KCNJ6: variants seen among roughly 807,000 people sequenced by gnomAD.
The protein encoded by KCNJ6 is G protein-activated inward rectifier potassium channel 2.
Under a neutral mutation model 34.2 loss-of-function variants are expected in KCNJ6, and 9 were observed. The observed-to-expected ratio is 0.26, with a 90% CI of 0.16 to 0.46. The LOEUF (loss-of-function observed/expected upper bound fraction) is 0.46, where lower values mean the gene tolerates loss of function less well. KCNJ6 is among the 20% of genes least tolerant of loss of function. The probability of loss-of-function intolerance (pLI) is 1.00; values close to 1 mark genes in which losing one functional copy is unlikely to be tolerated. For synonymous variants in KCNJ6, 196 were observed against 207.1 expected, an observed-to-expected ratio of 0.95 and a Z score of 0.46; for missense variants, 236 against 531.3, an observed-to-expected ratio of 0.44 and a Z score of 5.46.
In KCNJ6 at chr21:37,675,812, C is replaced by G. The variant is rs2054562177; in HGVS notation, c.946+38399G>C. Among the ~76,000 whole-genome samples the G allele has an allele frequency of 6.6e-6, 1 of 152,058 alleles. No individual in the cohort carries two copies. Among genetic ancestry groups the G allele is most frequent in the Admixed American group, 6.5e-5 (1 of 15,276 alleles). ...TTACATTGACTCCCAAATTCCTATG[C>G]TAGAGTTACCTTAACGGCAAGCCAG... On this transcript the variant is annotated intron_variant, in intron 3 of 3. Transcript: ENST00000609713. This position sits in a 1 kb window ranked among gnomAD's most constrained non-coding sequence, Gnocchi z 4.2.
chr21:37,742,385 A>G (rs2054945417), intron 2 of KCNJ6, among the ~76,000 whole-genome samples: 1 of 152,176 alleles, frequency 6.6e-6, no homozygotes, highest in Non-Finnish European at 1.5e-5. Flanking sequence ...GTGGTTGGCC[A>G]CTGTCCATTT....
At chr21:37,856,577 T>G (rs551056900) in intron 1 of KCNJ6, among the ~76,000 whole-genome samples, 1 of 151,950 alleles carries the variant, frequency 6.6e-6, no homozygotes, top group East Asian at 1.9e-4. Context: ...ACTCAAATAC[T>G]TAGGGCAACA....
At chr21:37,880,289 A>G (rs999737400) in intron 1 of KCNJ6, among the ~76,000 whole-genome samples, 2 of 152,188 alleles carry the variant, frequency 1.3e-5, no homozygotes, top group African/African-American at 4.8e-5. Flanking sequence ...TGCATTGTCC[A>G]GGAAAAAAGG....
intron 2 of KCNJ6, among the ~76,000 whole-genome samples, chr21:37,726,453 G>A (rs1290350071): frequency 1.3e-5 from 2 of 152,200 alleles, no homozygotes; most frequent in Non-Finnish European, 2.9e-5. Flanking sequence ...TAGGGCCACA[G>A]CACTTATTTA....
chr21:37,881,218 C>T (rs527590682), intron 1 of KCNJ6, among the ~76,000 whole-genome samples: 255 of 152,262 alleles, frequency 1.7e-3, no homozygotes, highest in African/African-American at 3.8e-3. Flanking sequence ...TGGAAAGCTC[C>T]GGGATTCTGA....
At chr21:37,898,510 A>G (rs1439277652) in intron 1 of KCNJ6, among the ~76,000 whole-genome samples, 1 of 151,606 alleles carries the variant, frequency 6.6e-6, no homozygotes, top group Admixed American at 6.6e-5. Context: ...AGAACCCAGG[A>G]GGCGAAGGTT....
At chr21:37,876,735 T>C (rs1383204263) in intron 1 of KCNJ6, among the ~76,000 whole-genome samples, 2 of 135,736 alleles carry the variant, frequency 1.5e-5, no homozygotes, top group Non-Finnish European at 3.1e-5. Flanking sequence ...GGTGGATCCA[T>C]GTAGACAGGC....
chr21:37,681,378 C>A (rs1380462705), intron 3 of KCNJ6, among the ~76,000 whole-genome samples: 1 of 152,240 alleles, frequency 6.6e-6, no homozygotes, highest in East Asian at 1.9e-4. Context: ...TCGTGGTAAT[C>A]TGATAACTTG....
intron 2 of KCNJ6, among the ~76,000 whole-genome samples, chr21:37,725,342 G>A (rs763711142): frequency 6.6e-6 from 1 of 152,132 alleles, no homozygotes; most frequent in Non-Finnish European, 1.5e-5. Flanking sequence ...GCAGTGAGCC[G>A]AGATCACGCC....
intron 3 of KCNJ6, among the ~76,000 whole-genome samples, chr21:37,683,841 A>G (rs1248991696): frequency 2.0e-5 from 3 of 152,096 alleles, no homozygotes; most frequent in East Asian, 1.9e-4. Flanking sequence ...GGGAGAAAGG[A>G]TCCCTTCTGC....
rs1237113944 is a variant in KCNJ6, at chr21:37,707,733, G to GTGTGTGTGTGTATGTGTGCA, written c.946+6477_946+6478insTGCACACATACACACACACA. Among the ~76,000 whole-genome samples, 6 of 149,898 alleles carry GTGTGTGTGTGTATGTGTGCA rather than the reference G, an allele frequency of 4.0e-5. 1 individual carries two copies. The highest frequency in any genetic ancestry group is 5.9e-5 in the Non-Finnish European group (4 of 67,868). On this transcript the variant is annotated intron_variant, in intron 3 of 3. Coordinates refer to ENST00000609713, the MANE Select transcript of KCNJ6 (RefSeq NM_002240.5). ...GTTTAGTATCTGTGCATGTGTGTGT[G>GTGTGTGTGTGTATGTGTGCA]TGAATAATTTACATAGCTTTCCCCA... is the stretch of plus-strand genomic sequence containing the variant.
chr21:37,843,121 C>A (rs536976012), intron 1 of KCNJ6, among the ~76,000 whole-genome samples: 1 of 152,170 alleles, frequency 6.6e-6, no homozygotes, highest in Non-Finnish European at 1.5e-5. Context: ...TTCTAACAAG[C>A]CCTGTTTAGT....
chr21:37,898,825 T>C (rs1003358242), intron 1 of KCNJ6, among the ~76,000 whole-genome samples: 3 of 152,208 alleles, frequency 2.0e-5, no homozygotes, highest in African/African-American at 4.8e-5. Flanking sequence ...ATTTGTGAAA[T>C]TGTACTTTTT....
chr21:37,813,392 A>T (rs1157770584), intron 2 of KCNJ6, among the ~76,000 whole-genome samples: 1 of 152,192 alleles, frequency 6.6e-6, no homozygotes, highest in East Asian at 1.9e-4. Flanking sequence ...TCTTCACAGA[A>T]ATAAAAAAAA....
In KCNJ6 at chr21:37,853,846, G is replaced by GTA. The variant is rs144698876; in HGVS notation, c.-27-13139_-27-13138dup. Among the ~76,000 whole-genome samples, 308 of 115,952 alleles carry GTA rather than the reference G, an allele frequency of 2.7e-3. 8 individuals are homozygous for GTA. The highest frequency in any genetic ancestry group is 0.011 in the South Asian group (42 of 3,878). The allele number at this position is 115,952 out of a possible 152,430, so 76.1% of individuals were successfully genotyped here. A position where few individuals can be genotyped will look rare whatever the true frequency, so the allele number is the denominator to read the frequency against. On this transcript the variant is annotated intron_variant, in intron 1 of 3. Transcript: ENST00000609713. ...GTAGTTAAGAGATACATATATATATGTATATATATATATATAAATTACATT... is the reference window on the plus strand; with the variant it reads ...GTAGTTAAGAGATACATATATATATGTATATATATATATATATAAATTACATT...
At chr21:37,676,705 C>T (rs2054566448) in intron 3 of KCNJ6, among the ~76,000 whole-genome samples, 1 of 152,202 alleles carries the variant, frequency 6.6e-6, no homozygotes, top group Non-Finnish European at 1.5e-5. Context: ...GGGACAGCAG[C>T]CATGTCTGGA....
At chr21:37,796,637 C>A (rs1191642398) in intron 2 of KCNJ6, among the ~76,000 whole-genome samples, 1 of 152,172 alleles carries the variant, frequency 6.6e-6, no homozygotes, top group Non-Finnish European at 1.5e-5. Context: ...TGGACCTCAA[C>A]TGGGCCTCCT....
chr21:37,853,844 ATG>A (rs916266559), intron 1 of KCNJ6, among the ~76,000 whole-genome samples: 2 of 109,360 alleles, frequency 1.8e-5, no homozygotes, highest in Admixed American at 1.0e-4. Context: ...ACATATATAT[ATG>A]TATATATATA....
chr21:37,911,801 T>C (rs1409832545), intron 1 of KCNJ6, among the ~76,000 whole-genome samples: 3 of 152,236 alleles, frequency 2.0e-5, no homozygotes, highest in Admixed American at 6.5e-5. Context: ...AAGGTTTACA[T>C]GGTCAACATT....
Sources: allele counts gnomAD v4.1 joint callset (sites outside exome capture counted in the v4.1 genomes callset), GRCh38; gene constraint gnomAD v4.1.1; non-coding constraint Gnocchi (gnomAD v3.1); transcripts MANE v1.5; gene names NCBI Gene and HGNC (gene_info 2026-07-23, HGNC 2026-07-21).